Variants in CNBD1 observed in about 807,000 individuals in gnomAD.
CNBD1 encodes cyclic nucleotide binding domain containing 1.
CNBD1 carries 71 observed loss-of-function variants against 54.4 expected under a neutral mutation model. That is an observed-to-expected ratio of 1.30 (90% CI 1.08 to 1.59). The LOEUF (loss-of-function observed/expected upper bound fraction) is 1.59, where lower values mean the gene tolerates loss of function less well. Ranked by LOEUF, CNBD1 falls within the 40% of genes most tolerant of loss-of-function variation. The pLI, the probability that CNBD1 is intolerant of heterozygous loss-of-function variation, is 0.00. For synonymous variants in CNBD1, 182 were observed against 170.7 expected (o/e 1.07, Z -0.51); for missense variants, 659 against 518.0 (o/e 1.27, Z -2.64).
Position 87,344,923 on chromosome 8 carries a change from G to A in CNBD1, c.1043-6762G>A, listed in dbSNP as rs183296727. Among the ~76,000 whole-genome samples, 640 of 152,200 alleles carry A rather than the reference G, an allele frequency of 4.2e-3. 4 individuals carry two copies. The highest frequency in any genetic ancestry group is 6.4e-3 in the Non-Finnish European group (433 of 67,972). ...TAATATTTAAATGGACAGTTACCCT[G>A]GTTAACTAGAATGTATGACTAAATA... On this transcript the variant is annotated intron_variant, in intron 8 of 10. Coordinates refer to ENST00000518476, the MANE Select transcript of CNBD1 (RefSeq NM_173538.3).
chr8:87,346,614 C>CAT lies in CNBD1; in HGVS notation c.1043-5060_1043-5059dup, dbSNP rs569914632. On this transcript the variant is annotated intron_variant, in intron 8 of 10. Transcript: ENST00000518476. ...ACAAAAATGTATAATAGTGTGTCTGCATATATATATATGTATGTAGACATG... is the reference window on the plus strand; with the variant it reads ...ACAAAAATGTATAATAGTGTGTCTGCATATATATATATATGTATGTAGACATG... 7.3e-3 allele frequency among the ~76,000 whole-genome samples: 1,098 copies of CAT among 150,888 alleles called. 11 individuals carry two copies. The highest frequency in any genetic ancestry group is 0.024 in the African/African-American group (996 of 41,186).
At chr8:86,934,473 T>C (rs1809510464) in intron 3 of CNBD1, among the ~76,000 whole-genome samples, 1 of 152,178 alleles carries the variant, frequency 6.6e-6, no homozygotes, top group African/African-American at 2.4e-5. Flanking sequence ...CCTTTCCAAT[T>C]CTTACATTTT....
intron 4 of CNBD1, among the ~76,000 whole-genome samples, chr8:87,016,317 A>C (rs942964787): frequency 6.6e-6 from 1 of 151,924 alleles, no homozygotes; most frequent in Non-Finnish European, 1.5e-5. Context: ...TAAAAGCATA[A>C]AATAAGCTTT....
intron 6 of CNBD1, among the ~76,000 whole-genome samples, chr8:87,258,916 T>C (rs538148166): frequency 1.0e-3 from 155 of 152,332 alleles, no homozygotes; most frequent in African/African-American, 3.6e-3. Flanking sequence ...AATTTTTATA[T>C]ACCTTCCACA....
chr8:87,331,615 C>G (rs748728339), intron 8 of CNBD1, among the ~76,000 whole-genome samples: 26 of 152,144 alleles, frequency 1.7e-4, no homozygotes, highest in Non-Finnish European at 1.8e-4. Context: ...ATTTCTAGTT[C>G]TAGATCCTTA....
At chr8:87,413,117 G>A (rs1471494199) in intron 2 of CNBD1, among the ~76,000 whole-genome samples, 2 of 151,984 alleles carry the variant, frequency 1.3e-5, no homozygotes, top group East Asian at 3.9e-4. Flanking sequence ...TTGTGAGAGA[G>A]ACCATGTGAG....
intron 8 of CNBD1, among the ~76,000 whole-genome samples, chr8:87,293,148 A>G (rs975228437): frequency 6.6e-6 from 1 of 152,156 alleles, no homozygotes; most frequent in African/African-American, 2.4e-5. Context: ...AATTTTTTTC[A>G]TAAGAAATAT....
intron 4 of CNBD1, among the ~76,000 whole-genome samples, chr8:87,175,103 T>C (rs1379900143): frequency 1.3e-5 from 2 of 152,170 alleles, no homozygotes; most frequent in Non-Finnish European, 2.9e-5. Context: ...CAAGGCCCTA[T>C]GTCTCTACAG....
Position 87,236,957 on chromosome 8 carries a change from C to G in CNBD1, c.616C>G (p.Leu206Val), listed in dbSNP as rs200993835. 3.1e-6 allele frequency: 5 copies of G among 1,610,560 alleles called. No individual in the cohort carries two copies. The highest frequency in any genetic ancestry group is 4.2e-6 in the Non-Finnish European group (5 of 1,177,980). ...NDGFYVILKG[L>V]ARPQTNVYKN... ...TGGATTTTATGTAATACTGAAAGGC[C>G]TAGCTCGACCTCAAACAAACGTGTA... Residue 206 changes from leucine (L) to valine (V), a missense_variant, in exon 6 of 11, where the codon CTA (leucine) becomes GTA (valine). By Grantham distance (32) the Leu-to-Val change is conservative (BLOSUM62 1). Coordinates refer to ENST00000518476, the MANE Select transcript of CNBD1 (RefSeq NM_173538.3).
intron 4 of CNBD1, among the ~76,000 whole-genome samples, chr8:86,958,916 A>G (rs909018186): frequency 6.6e-6 from 1 of 152,030 alleles, no homozygotes; most frequent in Non-Finnish European, 1.5e-5. Flanking sequence ...TATTTTACTC[A>G]TTAGTTGATG....
In CNBD1 at chr8:87,319,250, G is replaced by A. The variant is rs13280420; in HGVS notation, c.1043-32435G>A. 5.3e-5 allele frequency among the ~76,000 whole-genome samples: 8 copies of A among 151,910 alleles called. No individual in the cohort carries two copies. The East Asian group carries it at 1.5e-3, about 29-fold the overall frequency. On this transcript the variant is annotated intron_variant, in intron 8 of 10. Transcript: ENST00000518476. ...AGTATTACAGGAGGAAGCAAGGAAG[G>A]GGGTAATAATTCAATGCTTGATGTG...
intron 8 of CNBD1, among the ~76,000 whole-genome samples, chr8:87,337,676 A>G (rs959072013): frequency 3.3e-5 from 5 of 152,228 alleles, no homozygotes; most frequent in African/African-American, 1.2e-4. Context: ...CAGGCTGGGC[A>G]GCACACTCAC....
At chr8:86,940,252 C>T (rs1008693588) in intron 4 of CNBD1, among the ~76,000 whole-genome samples, 2 of 148,694 alleles carry the variant, frequency 1.3e-5, no homozygotes, top group Non-Finnish European at 3.0e-5. Flanking sequence ...CTGCAACCTC[C>T]GCCTCCTGGG....
At chr8:86,963,471 A>T (rs1199221237) in intron 4 of CNBD1, among the ~76,000 whole-genome samples, 5 of 152,116 alleles carry the variant, frequency 3.3e-5, no homozygotes. Context: ...GGGGTGTATG[A>T]ACCCATTAAA....
At chr8:87,416,135 A>G (rs1483917909) in intron 2 of CNBD1, among the ~76,000 whole-genome samples, 1 of 151,982 alleles carries the variant, frequency 6.6e-6, no homozygotes, top group Non-Finnish European at 1.5e-5. Flanking sequence ...TTAACAATAT[A>G]TCTTCAAACC....
At chr8:86,928,981 C>A (rs1260524213) in intron 3 of CNBD1, among the ~76,000 whole-genome samples, 3 of 152,112 alleles carry the variant, frequency 2.0e-5, no homozygotes, top group African/African-American at 7.2e-5. Flanking sequence ...TGTGAAAGTC[C>A]CCATTCTTTT....
intron 4 of CNBD1, among the ~76,000 whole-genome samples, chr8:87,012,851 T>C (rs907870680): frequency 3.3e-5 from 5 of 152,206 alleles, no homozygotes; most frequent in African/African-American, 1.2e-4. Context: ...GTGTATTTCT[T>C]AAATGTATTT....
At chr8:86,980,446 A>G (rs1021060036) in intron 4 of CNBD1, among the ~76,000 whole-genome samples, 5 of 152,180 alleles carry the variant, frequency 3.3e-5, no homozygotes, top group Admixed American at 3.3e-4. Context: ...TTACACCTCA[A>G]TGTGACTTTA....
Position 87,272,908 on chromosome 8 carries a change from T to C in CNBD1, c.772-11770T>C, listed in dbSNP as rs1808396450. Among the ~76,000 whole-genome samples the C allele has an allele frequency of 3.3e-5, 5 of 152,036 alleles. No individual in the cohort carries two copies. In the South Asian group the frequency reaches 8.3e-4, roughly 25 times the overall value. On this transcript the variant is annotated intron_variant, in intron 6 of 10. Transcript: ENST00000518476. ...TAAATTTCACATTATAACACAGAAATATTTTTAGTTCTTCATGCTCGCTCT... is the reference window on the plus strand; with the variant it reads ...TAAATTTCACATTATAACACAGAAACATTTTTAGTTCTTCATGCTCGCTCT...
Sources: allele counts gnomAD v4.1 joint callset (sites outside exome capture counted in the v4.1 genomes callset), GRCh38; gene constraint gnomAD v4.1.1; transcripts MANE v1.5; gene names NCBI Gene and HGNC (gene_info 2026-07-23, HGNC 2026-07-21).